The following RABGAP1L variants were observed in gnomAD, a reference collection of about 807,000 sequenced individuals.
RABGAP1L encodes the protein rab GTPase-activating protein 1-like.
A neutral mutation model predicts 137.7 loss-of-function variants in RABGAP1L; 63 were observed. That is an observed-to-expected ratio of 0.46 (90% CI 0.37 to 0.56). The LOEUF is 0.56. Among genes scored for constraint, RABGAP1L ranks in the 20% least tolerant of loss-of-function variants. RABGAP1L has a pLI of 0.00. For missense variants in RABGAP1L, 1,095 were observed against 1,244.0 expected, an observed-to-expected ratio of 0.88 and a Z score of 1.80; for synonymous variants, 431 against 433.7, an observed-to-expected ratio of 0.99 and a Z score of 0.08.
intron 13 of RABGAP1L, among the ~76,000 whole-genome samples, chr1:174,404,580 A>G (rs938179727): frequency 3.3e-5 from 5 of 152,184 alleles, no homozygotes; most frequent in African/African-American, 1.2e-4. Context: ...TTGGTCATCT[A>G]GGGTTGATGT....
chr1:174,580,800 T>C (rs1668687950), intron 13 of RABGAP1L, among the ~76,000 whole-genome samples: 1 of 152,124 alleles, frequency 6.6e-6, no homozygotes, highest in South Asian at 2.1e-4. Flanking sequence ...GATTGAGTAT[T>C]CGGAATATAT....
chr1:174,201,906 A>T (rs1469039902), intron 1 of RABGAP1L, among the ~76,000 whole-genome samples: 1 of 147,286 alleles, frequency 6.8e-6, no homozygotes, highest in Non-Finnish European at 1.5e-5. Flanking sequence ...GCGGTGTTTG[A>T]TTCTTTGTCC....
At chr1:174,732,067 T>G (rs1032268542) in intron 17 of RABGAP1L, among the ~76,000 whole-genome samples, 1 of 152,138 alleles carries the variant, frequency 6.6e-6, no homozygotes, top group Non-Finnish European at 1.5e-5. Context: ...CTGGGTGTTG[T>G]GGCGCGTGCC....
chr1:174,448,572 C>A lies in RABGAP1L; in HGVS notation c.1710+54427C>A, dbSNP rs1655060408. The A allele has an allele frequency of 1.2e-6, 2 of 1,613,670 alleles. No homozygotes were observed. Among genetic ancestry groups the A allele is most frequent in the Admixed American group, 1.7e-5 (1 of 59,990 alleles). ...CCTCTTTCCTACAATCAACTGGTCA[C>A]CCCTTGTCGCTTGAGAATTTGCATT... On this transcript the variant is annotated intron_variant, in intron 13 of 25. Transcript: ENST00000681986. The surrounding 1 kb of genome is among the most constrained non-coding windows in gnomAD (Gnocchi z 4.2).
intron 15 of RABGAP1L, among the ~76,000 whole-genome samples, chr1:174,697,956 A>G (rs1469635075): frequency 6.6e-6 from 1 of 152,266 alleles, no homozygotes; most frequent in Non-Finnish European, 1.5e-5. Flanking sequence ...ATTTAACTTC[A>G]GGAGATGTTA....
rs142732172 is a variant in RABGAP1L, at chr1:174,861,159, A to G, written c.2340+49199A>G. Among the ~76,000 whole-genome samples, 111 of 152,276 alleles carry G rather than the reference A, an allele frequency of 7.3e-4. 1 individual carries two copies. Among genetic ancestry groups the G allele is most frequent in the African/African-American group, 2.5e-3 (103 of 41,582 alleles). ...CTGCTTCTGTGAGTTTGACATTTTT[A>G]GATTCCATCTGTAACTGAAGTCATA... On this transcript the variant is annotated intron_variant, in intron 19 of 25. Transcript: ENST00000681986.
intron 1 of RABGAP1L, among the ~76,000 whole-genome samples, chr1:174,216,902 T>A (rs1054346591): frequency 6.7e-6 from 1 of 150,144 alleles, no homozygotes; most frequent in African/African-American, 2.5e-5. Flanking sequence ...GTAATCTAAT[T>A]TATTTTCCGA....
At chr1:174,664,942 G>GGTTT (rs1248233810) in intron 14 of RABGAP1L, among the ~76,000 whole-genome samples, 1 of 151,814 alleles carries the variant, frequency 6.6e-6, no homozygotes, top group Non-Finnish European at 1.5e-5. Flanking sequence ...TCTCCATGTT[G>GGTTT]GTCAGGCTGG....
rs1404365144 is a variant in RABGAP1L, at chr1:174,752,337, G to A, written c.2194G>A (p.Ala732Thr). 2 of 1,586,504 alleles carry A rather than the reference G, an allele frequency of 1.3e-6. No homozygotes were observed. The highest frequency in any genetic ancestry group is 2.3e-5 in the East Asian group (1 of 43,232). ...GGGTTTGAACATAATCTTTCATGTA[G>A]CTTTGGCTCTCCTAAAGGTAAGTCT... ...CEGLNIIFHV[A>T]LALLKTSKED... The change falls in exon 18 of 26, where the codon GCT (alanine) becomes ACT (threonine). Residue 732 changes from alanine to threonine, a missense_variant. Around this residue, in one of 4 missense-constraint regions of RABGAP1L, gnomAD observed 312 missense variants for 435.6 expected, o/e 0.72. Transcript: ENST00000681986.
intron 11 of RABGAP1L, among the ~76,000 whole-genome samples, chr1:174,326,496 T>C (rs187851736): frequency 7.2e-4 from 109 of 152,124 alleles, no homozygotes; most frequent in African/African-American, 2.6e-3. Flanking sequence ...TTCAAAACTA[T>C]ATAGTTGGAG....
chr1:174,886,232 G>A (rs1003495641), intron 19 of RABGAP1L, among the ~76,000 whole-genome samples: 2 of 151,904 alleles, frequency 1.3e-5, no homozygotes, highest in Non-Finnish European at 2.9e-5. Flanking sequence ...GGCTGGTCTC[G>A]ACCTCCCGAT....
intron 1 of RABGAP1L, among the ~76,000 whole-genome samples, chr1:174,201,750 A>G (rs1409503600): frequency 6.7e-6 from 1 of 148,752 alleles, no homozygotes; most frequent in East Asian, 2.0e-4. Flanking sequence ...TGCTGCACCC[A>G]TTAACTCGTC....
intron 14 of RABGAP1L, among the ~76,000 whole-genome samples, chr1:174,646,967 G>A (rs1675017333): frequency 6.6e-6 from 1 of 152,004 alleles, no homozygotes; most frequent in South Asian, 2.1e-4. Flanking sequence ...TATTCTCTTT[G>A]TAGCAATTGT....
At chr1:174,226,304 T>C (rs1476700431) in intron 3 of RABGAP1L, among the ~76,000 whole-genome samples, 3 of 152,202 alleles carry the variant, frequency 2.0e-5, no homozygotes, top group African/African-American at 7.2e-5. Context: ...CTCACGCCTG[T>C]AATCCCAGCG....
intron 18 of RABGAP1L, chr1:174,799,836 T>C: frequency 1.0e-6 from 1 of 989,496 alleles, no homozygotes; most frequent in South Asian, 4.5e-5. Flanking sequence ...AATGAGCTCA[T>C]CGTTTTCTCC....
At chr1:174,202,742 A>T (rs1668218589) in intron 1 of RABGAP1L, among the ~76,000 whole-genome samples, 1 of 152,152 alleles carries the variant, frequency 6.6e-6, no homozygotes, top group Non-Finnish European at 1.5e-5. Context: ...TATGTCCTGA[A>T]TGGTATTGCC....
intron 22 of RABGAP1L, 145 bp from the exon 23 acceptor site, chr1:174,978,662 A>G (rs898100124): frequency 1.3e-5 from 13 of 996,902 alleles, no homozygotes; most frequent in African/African-American, 1.7e-5. Context: ...CAGATTATCA[A>G]GATGCAGCTT....
At chr1:174,848,837 C>T (rs1029949222) in intron 19 of RABGAP1L, among the ~76,000 whole-genome samples, 11 of 151,436 alleles carry the variant, frequency 7.3e-5, no homozygotes, top group African/African-American at 2.7e-4. Context: ...TTCGCTGCCG[C>T]CTTGCAGTTT....
intron 14 of RABGAP1L, among the ~76,000 whole-genome samples, chr1:174,677,411 A>G (rs779588999): frequency 2.6e-5 from 4 of 152,244 alleles, no homozygotes; most frequent in African/African-American, 7.2e-5. Context: ...GTATAGCATA[A>G]CACCTCTGTT....
Sources: gnomAD v4.1 joint callset for allele counts (sites outside exome capture counted in the v4.1 genomes callset) on GRCh38, gnomAD v4.1.1 for gene constraint, gnomAD v4.1.1 regional missense constraint, Gnocchi (gnomAD v3.1) non-coding constraint, MANE v1.5 for transcripts, NCBI Gene and HGNC (gene_info 2026-07-23, HGNC 2026-07-21) for gene names.